CSGALNACT1: variants seen among roughly 807,000 people sequenced by gnomAD.
CSGALNACT1 encodes the protein beta4GalNAcT-1.
Under a neutral mutation model 51.0 loss-of-function variants are expected in CSGALNACT1, and 52 were observed. The observed-to-expected ratio is 1.02, with a 90% CI of 0.82 to 1.29. The LOEUF is 1.29. Ranked by LOEUF, CSGALNACT1 falls within the 50% of genes most tolerant of loss-of-function variation. CSGALNACT1 has a pLI of 0.00. For missense variants in CSGALNACT1, 935 were observed against 679.2 expected (o/e 1.38, Z -4.19); for synonymous variants, 341 against 254.4 (o/e 1.34, Z -3.24).
At chr8:19,564,100 C>A (rs1007291208) in intron 3 of CSGALNACT1, among the ~76,000 whole-genome samples, 6 of 152,202 alleles carry the variant, frequency 3.9e-5, no homozygotes, top group African/African-American at 1.4e-4. Flanking sequence ...TGCTTTAAAA[C>A]TTCAGTTAAA....
rs150582415 is a variant in CSGALNACT1 at position 19,517,492 on chromosome 8, C to T, written c.-296-11362G>A. On this transcript the variant is annotated intron_variant, in intron 3 of 9. Coordinates refer to ENST00000454498, the Ensembl canonical transcript of CSGALNACT1. ...ATATCTCTAGAAGGGTTAAAGTGAT[C>T]ACTGTGGAAGGCTCTCCTGCAAAAC... Among the ~76,000 whole-genome samples, 1,372 of 152,208 alleles carry T rather than the reference C, an allele frequency of 9.0e-3. 13 individuals carry two copies. Among genetic ancestry groups the T allele is most frequent in the Non-Finnish European group, 0.013 (891 of 68,010 alleles).
At chr8:19,508,553 C>A (rs1480698057) in intron 3 of CSGALNACT1, among the ~76,000 whole-genome samples, 1 of 152,188 alleles carries the variant, frequency 6.6e-6, no homozygotes, top group African/African-American at 2.4e-5. Flanking sequence ...GGTGTTCAGG[C>A]ACCTTGCTGT....
chr8:19,682,503 T>C (rs1330493459), exon 1 of CSGALNACT1: 2 of 380,966 alleles, frequency 5.2e-6, no homozygotes, highest in African/African-American at 2.1e-5. Context: ...ATGACACCTG[T>C]TGTCACCCCT....
At chr8:19,574,411 C>G (rs536731533) in intron 3 of CSGALNACT1, among the ~76,000 whole-genome samples, 1 of 152,340 alleles carries the variant, frequency 6.6e-6, no homozygotes, top group East Asian at 1.9e-4. Context: ...TAGGGTTCCT[C>G]CATGCAGCCC....
chr8:19,604,525 T>A (rs765310884), upstream of CSGALNACT1, among the ~76,000 whole-genome samples: 1 of 152,088 alleles, frequency 6.6e-6, no homozygotes, highest in Non-Finnish European at 1.5e-5. Flanking sequence ...AAAACCAAAC[T>A]CTACAAAGGA....
At chr8:19,595,569 G>A (rs188191397) in intron 2 of CSGALNACT1, among the ~76,000 whole-genome samples, 14 of 152,054 alleles carry the variant, frequency 9.2e-5, no homozygotes, top group Admixed American at 9.2e-4. Flanking sequence ...TGGAAGAGAT[G>A]AATTTTCTTT....
At chr8:19,418,074 G>C (rs2057237428) in intron 8 of CSGALNACT1, among the ~76,000 whole-genome samples, 1 of 152,072 alleles carries the variant, frequency 6.6e-6, no homozygotes, top group Non-Finnish European at 1.5e-5. Context: ...ATATTCCTTT[G>C]AGAGCCACCT....
chr8:19,690,571 C>G (rs2061249485), intron 1 of CSGALNACT1, among the ~76,000 whole-genome samples: 1 of 152,272 alleles, frequency 6.6e-6, no homozygotes, highest in African/African-American at 2.4e-5. Context: ...TTTTTTTCCT[C>G]TATAACCAAA....
At chr8:19,697,254 T>C (rs1008603731) in intron 1 of CSGALNACT1, among the ~76,000 whole-genome samples, 1 of 151,828 alleles carries the variant, frequency 6.6e-6, no homozygotes, top group African/African-American at 2.4e-5. Context: ...AGGCAAGCAC[T>C]TGGGAGCCAT....
intron 1 of CSGALNACT1, among the ~76,000 whole-genome samples, chr8:19,612,819 G>A (rs771020400): frequency 6.6e-6 from 1 of 151,452 alleles, no homozygotes; most frequent in Non-Finnish European, 1.5e-5. Context: ...CTTTTTAAAC[G>A]GATAGATTTT....
exon 10 of CSGALNACT1, chr8:19,406,036 C>G (rs1394508397): frequency 6.2e-7 from 1 of 1,614,236 alleles, no homozygotes; most frequent in Non-Finnish European, 8.5e-7. Flanking sequence ...CACATCCTCT[C>G]CGCCCCAGCC....
At chr8:19,571,269 G>A (rs918508620) in intron 3 of CSGALNACT1, among the ~76,000 whole-genome samples, 3 of 151,980 alleles carry the variant, frequency 2.0e-5, no homozygotes, top group Non-Finnish European at 2.9e-5. Flanking sequence ...TTGAAACTCC[G>A]TATCCGATAT....
At chr8:19,482,244 G>A (rs971485084) in intron 4 of CSGALNACT1, among the ~76,000 whole-genome samples, 8 of 152,216 alleles carry the variant, frequency 5.3e-5, no homozygotes, top group African/African-American at 1.9e-4. Context: ...CACTTGAAAT[G>A]TGGCTAGTGA....
intron 1 of CSGALNACT1, among the ~76,000 whole-genome samples, chr8:19,647,634 G>C (rs766131627): frequency 7.9e-5 from 12 of 152,000 alleles, no homozygotes; most frequent in Non-Finnish European, 1.5e-4. Context: ...GGTGTATTAG[G>C]AACTCTGTAA....
intron 1 of CSGALNACT1, among the ~76,000 whole-genome samples, chr8:19,621,004 G>A (rs1048535803): frequency 6.6e-6 from 1 of 152,170 alleles, no homozygotes; most frequent in Non-Finnish European, 1.5e-5. Flanking sequence ...CCGTAAAAAT[G>A]TTGTGAGAAG....
At chr8:19,509,876 G>C (rs899695151) in intron 3 of CSGALNACT1, among the ~76,000 whole-genome samples, 1 of 152,256 alleles carries the variant, frequency 6.6e-6, no homozygotes, top group Admixed American at 6.5e-5. Context: ...ACAGCTTTAT[G>C]TGATCACAGC....
intron 1 of CSGALNACT1, among the ~76,000 whole-genome samples, chr8:19,733,678 T>C (rs1055106730): frequency 6.6e-6 from 1 of 152,222 alleles, no homozygotes; most frequent in Admixed American, 6.5e-5. Flanking sequence ...TGCTAAATTA[T>C]GCATGCTTTT....
At chr8:19,492,578 G>A (rs2153966499) in intron 4 of CSGALNACT1, among the ~76,000 whole-genome samples, 1 of 152,280 alleles carries the variant, frequency 6.6e-6, no homozygotes, top group African/African-American at 2.4e-5. Context: ...CCTGTGTCAT[G>A]TCCGATGCCC....
chr8:19,458,504 A>C, exon 5 of CSGALNACT1: 1 of 1,614,216 alleles, frequency 6.2e-7, no homozygotes, highest in Non-Finnish European at 8.5e-7. Context: ...CGTGTTGGCC[A>C]TGTTGAGCTT....
Sources: gnomAD v4.1 joint callset for allele counts (sites outside exome capture counted in the v4.1 genomes callset) on GRCh38, gnomAD v4.1.1 for gene constraint, MANE v1.5 for transcripts, NCBI Gene and HGNC (gene_info 2026-07-23, HGNC 2026-07-21) for gene names.